Variants in ARHGEF6 observed in about 807,000 individuals in gnomAD.
ARHGEF6 encodes the protein Rac/Cdc42 guanine nucleotide exchange factor 6, also known as rho guanine nucleotide exchange factor 6.
A neutral mutation model predicts 70.3 loss-of-function variants in ARHGEF6; 9 were observed. The observed-to-expected ratio is 0.13, with a 90% CI of 0.08 to 0.22. The LOEUF is 0.22. Ranked by LOEUF, ARHGEF6 falls within the 10% of genes least tolerant of loss-of-function variation. The pLI, the probability that ARHGEF6 is intolerant of heterozygous loss-of-function variation, is 1.00. For missense variants in ARHGEF6, 470 were observed against 563.0 expected, an observed-to-expected ratio of 0.83 and a Z score of 1.67; for synonymous variants, 201 against 207.8, an observed-to-expected ratio of 0.97 and a Z score of 0.28.
In ARHGEF6 at chrX:136,666,969, A is replaced by G. The variant is rs2076167300; in HGVS notation, c.*1060T>C. 1 of 112,526 alleles carries G rather than the reference A, an allele frequency of 8.9e-6. No homozygotes were observed. The allele number at this position is 112,526 out of a possible 1,213,427, so 9.3% of individuals were successfully genotyped here. A position where few individuals can be genotyped will look rare whatever the true frequency, so the allele number is the denominator to read the frequency against. Reference sequence around the variant, plus strand: ...ATTACAACTTCTCACAGCATATATGAGAGAGTAATAAAGTGAATGAAAGCT... The same window carrying G: ...ATTACAACTTCTCACAGCATATATGGGAGAGTAATAAAGTGAATGAAAGCT... On this transcript the variant is annotated 3_prime_UTR_variant, in exon 22 of 22. Coordinates refer to ENST00000250617, the MANE Select transcript of ARHGEF6 (RefSeq NM_004840.3).
intron 2 of ARHGEF6, chrX:136,767,632 G>A (rs2077330843): frequency 1.3e-6 from 1 of 752,815 alleles, no homozygotes; most frequent in South Asian, 6.8e-5. Context: ...GCGGGGTGGC[G>A]AGTGGAGGGG....
At chrX:136,771,098 T>G (rs1249238347) in intron 2 of ARHGEF6, among the ~76,000 whole-genome samples, 1 of 112,325 alleles carries the variant, frequency 8.9e-6, no homozygotes, top group African/African-American at 3.2e-5. Flanking sequence ...ATAAAATCCT[T>G]TGGAATAAAT....
At chrX:136,707,848 C>T (rs745342183) in intron 8 of ARHGEF6, among the ~76,000 whole-genome samples, 4 of 111,737 alleles carry the variant, frequency 3.6e-5, no homozygotes, top group African/African-American at 6.5e-5. Flanking sequence ...CTTTAAGATA[C>T]GCTGCTTGAA....
intron 11 of ARHGEF6, among the ~76,000 whole-genome samples, chrX:136,686,552 G>A (rs185648925): frequency 0.012 from 1,099 of 91,708 alleles, 31 homozygotes; most frequent in African/African-American, 0.041. Context: ...CACTATGTGG[G>A]GTATGAATAC....
intron 6 of ARHGEF6, among the ~76,000 whole-genome samples, chrX:136,720,668 A>G: frequency 8.9e-6 from 1 of 111,935 alleles, no homozygotes; most frequent in East Asian, 2.8e-4. Context: ...CTAATGCAAT[A>G]AGAAAAAAAT....
chrX:136,671,599 A>G (rs1247558195), intron 20 of ARHGEF6, among the ~76,000 whole-genome samples: 1 of 112,234 alleles, frequency 8.9e-6, no homozygotes, highest in African/African-American at 3.2e-5. Context: ...TTGCTGTAGG[A>G]TTTTAAATGA....
rs149609850 is a variant in ARHGEF6 at position 136,682,072 on chromosome X, C to T, written c.1480-104G>A. 3.9e-3 allele frequency: 2,351 copies of T among 603,828 alleles called. 9 individuals carry two copies. Among genetic ancestry groups the T allele is most frequent in the Non-Finnish European group, 5.2e-3 (1,867 of 357,404 alleles). 49.8% of individuals were successfully genotyped at this position (603,828 alleles called of 1,213,427 possible). On this transcript the variant is annotated intron_variant, in intron 13 of 21. Transcript: ENST00000250617. ...TCAGCAAGGCAAAACTATGGCTAGA[C>T]GTATTTCTCCAGTCTGTCAATAGAT...
intron 2 of ARHGEF6, among the ~76,000 whole-genome samples, chrX:136,750,507 G>A (rs2077138795): frequency 9.0e-6 from 1 of 111,461 alleles, no homozygotes; most frequent in Non-Finnish European, 1.9e-5. Flanking sequence ...TGCACAAAAA[G>A]CCAGTTAGTT....
At chrX:136,754,336 A>T (rs1163416809) in intron 2 of ARHGEF6, among the ~76,000 whole-genome samples, 1 of 111,308 alleles carries the variant, frequency 9.0e-6, no homozygotes, top group Admixed American at 9.5e-5. Context: ...CTGTAATCCC[A>T]GCACCTTGGG....
chrX:136,751,655 G>A (rs925751029), intron 2 of ARHGEF6, among the ~76,000 whole-genome samples: 2 of 110,852 alleles, frequency 1.8e-5, no homozygotes, highest in African/African-American at 3.3e-5. Flanking sequence ...TATCCAAGAG[G>A]CCCCAGAGAG....
intron 11 of ARHGEF6, among the ~76,000 whole-genome samples, chrX:136,686,734 A>ATC (rs1185690091): frequency 2.3e-5 from 2 of 88,878 alleles, no homozygotes; most frequent in Admixed American, 1.3e-4. Flanking sequence ...ATATATATAT[A>ATC]TATCTCACTG....
At chrX:136,678,854 G>A (rs1603332848) in intron 16 of ARHGEF6, among the ~76,000 whole-genome samples, 1 of 111,331 alleles carries the variant, frequency 9.0e-6, no homozygotes, top group Non-Finnish European at 1.9e-5. Flanking sequence ...TTTGAGACAG[G>A]TTAGGGATAA....
chrX:136,738,639 G>A (rs138279264), intron 5 of ARHGEF6, among the ~76,000 whole-genome samples: 129 of 111,964 alleles, frequency 1.2e-3, no homozygotes, highest in African/African-American at 4.0e-3. Context: ...CACCCTGAAG[G>A]CAAAAGCCAT....
chrX:136,725,798 A>G (rs770676158), intron 6 of ARHGEF6, among the ~76,000 whole-genome samples: 1 of 111,875 alleles, frequency 8.9e-6, no homozygotes, highest in Non-Finnish European at 1.9e-5. Context: ...CTTTTGCTCA[A>G]CCAACCTTTG....
At chrX:136,693,575 A>G (rs1262363769) in intron 9 of ARHGEF6, among the ~76,000 whole-genome samples, 1 of 112,301 alleles carries the variant, frequency 8.9e-6, no homozygotes, top group African/African-American at 3.2e-5. Flanking sequence ...TGTTCTGTAT[A>G]TGTGACATGA....
Position 136,745,347 on chromosome X carries a change from T to C in ARHGEF6, c.335A>G (p.Asp112Gly), listed in dbSNP as rs778448157. Residue 112 changes from aspartate (D) to glycine (G), a missense_variant and splice_region_variant, in exon 4 of 22, where the codon GAT becomes GGT. This residue lies in a region of ARHGEF6 where 379 missense variants were observed against 449.3 expected (regional missense o/e 0.84). Transcript: ENST00000250617. Reference sequence around the variant, plus strand: ...TCCACATGGTCTTTCTGATAGCTGATCTGTGAAAAGAGGAAAAGGCATGTT... The same window carrying C: ...TCCACATGGTCTTTCTGATAGCTGACCTGTGAAAAGAGGAAAAGGCATGTT... ...TLLAVNKATEDQLSERPCGRS... is the reference protein window; with the variant it reads ...TLLAVNKATEGQLSERPCGRS... The C allele has an allele frequency of 4.1e-6, 5 of 1,211,365 alleles. No homozygotes were observed. In the East Asian group the frequency reaches 1.5e-4, roughly 36 times the overall value.
intron 5 of ARHGEF6, among the ~76,000 whole-genome samples, chrX:136,740,036 T>C (rs1320153073): frequency 9.1e-6 from 1 of 109,869 alleles, no homozygotes; most frequent in Non-Finnish European, 1.9e-5. Flanking sequence ...TTAGACAGAG[T>C]CTCACTCTGT....
chrX:136,721,469 G>A (rs775351042), intron 6 of ARHGEF6, among the ~76,000 whole-genome samples: 1 of 111,105 alleles, frequency 9.0e-6, no homozygotes, highest in Non-Finnish European at 1.9e-5. Flanking sequence ...AGGCTGAGGT[G>A]GAAGGATTGT....
At chrX:136,716,220 C>T (rs1028310521) in intron 6 of ARHGEF6, among the ~76,000 whole-genome samples, 10 of 112,879 alleles carry the variant, frequency 8.9e-5, no homozygotes, top group Admixed American at 4.6e-4. Flanking sequence ...GGATTACAGG[C>T]GTGAGCCACT....
Sources: gnomAD v4.1 joint callset for allele counts (sites outside exome capture counted in the v4.1 genomes callset) on GRCh38, gnomAD v4.1.1 for gene constraint, gnomAD v4.1.1 regional missense constraint, MANE v1.5 for transcripts, NCBI Gene and HGNC (gene_info 2026-07-23, HGNC 2026-07-21) for gene names.